The following CACNA1C variants were observed in gnomAD, a reference collection of about 807,000 sequenced individuals.
CACNA1C encodes the protein calcium voltage-gated channel subunit alpha1 C, also known as voltage-dependent L-type calcium channel subunit alpha-1C.
Under a neutral mutation model 229.0 loss-of-function variants are expected in CACNA1C, and 30 were observed. That is an observed-to-expected ratio of 0.13 (90% CI 0.10 to 0.18). The LOEUF is 0.18. Among genes scored for constraint, CACNA1C ranks in the 10% least tolerant of loss-of-function variants. The pLI, the probability that CACNA1C is intolerant of heterozygous loss-of-function variation, is 1.00. For missense variants in CACNA1C, 1,658 were observed against 2,845.0 expected (o/e 0.58, Z 9.49); for synonymous variants, 1,114 against 1,132.5 (o/e 0.98, Z 0.33).
At chr12:2,664,672 T>C (rs190598645) in intron 34 of CACNA1C, among the ~76,000 whole-genome samples, 153 bp from the exon 35 acceptor site, 2 of 152,312 alleles carry the variant, frequency 1.3e-5, no homozygotes, top group East Asian at 3.9e-4. Flanking sequence ...ATTTAGCAAA[T>C]ATATCAGAGC....
intron 1 of CACNA1C, among the ~76,000 whole-genome samples, chr12:2,006,299 T>C (rs958812905): frequency 3.9e-5 from 6 of 151,982 alleles, no homozygotes; most frequent in African/African-American, 1.5e-4. Context: ...TCCCGGATAC[T>C]CGGGAGGCTG....
At position 2,218,359 on chromosome 12, in the gene CACNA1C, T is replaced by A. The variant is rs144298986; in HGVS notation, c.477+97929T>A. Among the ~76,000 whole-genome samples, 15 of 152,340 alleles carry A rather than the reference T, an allele frequency of 9.8e-5. No individual in the cohort carries two copies. In the East Asian group the frequency reaches 2.9e-3, roughly 29 times the overall value. On this transcript the variant is annotated intron_variant, in intron 3 of 46. Transcript: ENST00000399655. ...TTTATGGCAAACTCATTGACTTTTCTTCAGGAAGAAAATTTCTGCTGGTGC... is the reference window on the plus strand; with the variant it reads ...TTTATGGCAAACTCATTGACTTTTCATCAGGAAGAAAATTTCTGCTGGTGC...
chr12:2,117,701 G>A (rs867069371), intron 2 of CACNA1C, among the ~76,000 whole-genome samples: 1 of 152,364 alleles, frequency 6.6e-6, no homozygotes, highest in South Asian at 2.1e-4. Flanking sequence ...TGAGGTCTTA[G>A]GAGGATGCTC....
chr12:2,243,812 C>T (rs559257861), intron 3 of CACNA1C, among the ~76,000 whole-genome samples: 3 of 152,334 alleles, frequency 2.0e-5, no homozygotes, highest in South Asian at 2.1e-4. Context: ...CTGAATTCCT[C>T]GCTGCAATTG....
In CACNA1C at chr12:2,106,757, A is replaced by G. The variant is rs1315902443; in HGVS notation, c.50-8467A>G. Among the ~76,000 whole-genome samples the G allele has an allele frequency of 1.4e-3, 109 of 76,842 alleles. 1 individual carries two copies. Among genetic ancestry groups the G allele is most frequent in the African/African-American group, 2.4e-3 (48 of 19,848 alleles). The allele number at this position is 76,842 out of a possible 152,430, so 50.4% of individuals were successfully genotyped here. On this transcript the variant is annotated intron_variant, in intron 1 of 46. Coordinates refer to ENST00000399655, the MANE Select transcript of CACNA1C (RefSeq NM_000719.7). ...TGAAGCCACTGGGTGCTCACCCTGG[A>G]GAGGGTTTCCACCTCAGCTGGGCGT...
At chr12:2,268,714 A>G (rs910637998) in intron 3 of CACNA1C, among the ~76,000 whole-genome samples, 1 of 152,148 alleles carries the variant, frequency 6.6e-6, no homozygotes, top group Non-Finnish European at 1.5e-5. Context: ...AGGGCTCCCC[A>G]ATGCTGAAGG....
chr12:2,350,941 G>A (rs11062196), intron 3 of CACNA1C, among the ~76,000 whole-genome samples: 36,576 of 152,224 alleles, frequency 0.24, 4,522 homozygotes, highest in Admixed American at 0.26. Context: ...TGTCCATCTA[G>A]TTGATAGAAA....
chr12:2,526,648 G>A (rs546895074), intron 9 of CACNA1C, among the ~76,000 whole-genome samples: 3 of 152,348 alleles, frequency 2.0e-5, no homozygotes, highest in African/African-American at 7.2e-5. Flanking sequence ...CTCCTCAAAG[G>A]AAATGATGGG....
At chr12:2,008,191 C>T (rs1366959344) in intron 1 of CACNA1C, among the ~76,000 whole-genome samples, 1 of 152,106 alleles carries the variant, frequency 6.6e-6, no homozygotes, top group Admixed American at 6.5e-5. Flanking sequence ...AATCACAGCT[C>T]ACTGCAGACT....
chr12:2,098,334 A>G (rs2075106492), intron 1 of CACNA1C, among the ~76,000 whole-genome samples: 1 of 152,246 alleles, frequency 6.6e-6, no homozygotes, highest in Non-Finnish European at 1.5e-5. Context: ...TATTTTATAC[A>G]AAGCATTGTT....
chr12:2,195,231 CAGGG>C (rs767517451), intron 3 of CACNA1C, among the ~76,000 whole-genome samples: 8 of 152,176 alleles, frequency 5.3e-5, no homozygotes, highest in Non-Finnish European at 1.2e-4. Flanking sequence ...CCCAAAGCCT[CAGGG>C]AGGTTAAGGC....
intron 3 of CACNA1C, among the ~76,000 whole-genome samples, chr12:2,291,531 T>TGTTA (rs2093506300): frequency 6.6e-6 from 1 of 152,236 alleles, no homozygotes; most frequent in Non-Finnish European, 1.5e-5. Context: ...GTAAATAAGA[T>TGTTA]GTTAGAGTCT....
intron 11 of CACNA1C, among the ~76,000 whole-genome samples, chr12:2,564,613 T>C (rs1757793865): frequency 6.6e-6 from 1 of 152,100 alleles, no homozygotes; most frequent in African/African-American, 2.4e-5. Flanking sequence ...GGAGCTCTAC[T>C]CCCGCTCCTC....
At position 2,691,786 on chromosome 12, in the gene CACNA1C, C is replaced by G. The variant is rs2097791489; in HGVS notation, c.*587C>G. On this transcript the variant is annotated 3_prime_UTR_variant, in exon 47 of 47. Transcript: ENST00000399655. ...CCCACCTGCGACGGGATCCCCCGAC[C>G]GGCACGGGCCACGCCGAGCTCCCGG... The G allele has an allele frequency of 6.6e-6, 1 of 152,386 alleles. No individual in the cohort carries two copies. The highest frequency in any genetic ancestry group is 2.4e-5 in the African/African-American group (1 of 41,454). The allele number at this position is 152,386 out of a possible 1,614,324, so 9.4% of individuals were successfully genotyped here.
In CACNA1C at chr12:2,677,283, G is replaced by T; in HGVS notation, c.4956+62G>T. 6.3e-7 allele frequency: 1 copy of T among 1,575,372 alleles called. No homozygotes were observed. The highest frequency in any genetic ancestry group is 2.3e-5 in the East Asian group (1 of 44,076). On this transcript the variant is annotated intron_variant, in intron 40 of 46. Coordinates refer to ENST00000399655, the MANE Select transcript of CACNA1C (RefSeq NM_000719.7). This position sits in a 1 kb window ranked among gnomAD's most constrained non-coding sequence, Gnocchi z 7.4. The stretch of plus-strand genomic sequence containing the variant: ...TCCTGGTCATTGCCTCTGACCTCCA[G>T]TCAGGGTCCCGGTCCCTCCCCAGCA...
At position 2,154,392 on chromosome 12, in the gene CACNA1C, C is replaced by T. The variant is rs142035675; in HGVS notation, c.477+33962C>T. On this transcript the variant is annotated intron_variant, in intron 3 of 46. Coordinates refer to ENST00000399655, the MANE Select transcript of CACNA1C (RefSeq NM_000719.7). ...CCAATGCACAGAGCTGCTTCCTTCC[C>T]GCACACACGGAATCTTCCTGCTCCC... 8.8e-3 allele frequency among the ~76,000 whole-genome samples: 1,334 copies of T among 152,318 alleles called. 23 individuals carry two copies. Among genetic ancestry groups the T allele is most frequent in the African/African-American group, 0.03 (1,257 of 41,576 alleles).
At chr12:2,206,312 A>T (rs2097758009) in intron 3 of CACNA1C, among the ~76,000 whole-genome samples, 1 of 152,196 alleles carries the variant, frequency 6.6e-6, no homozygotes, top group South Asian at 2.1e-4. Flanking sequence ...TAGTATTTTA[A>T]AAAAGCAGAT....
At chr12:2,314,126 C>A (rs1282974426) in intron 3 of CACNA1C, among the ~76,000 whole-genome samples, 1 of 152,188 alleles carries the variant, frequency 6.6e-6, no homozygotes, top group African/African-American at 2.4e-5. Context: ...GGGAATCTAG[C>A]CACGTCACCT....
intron 3 of CACNA1C, among the ~76,000 whole-genome samples, chr12:2,392,604 T>C (rs151321519): frequency 6.6e-6 from 1 of 152,314 alleles, no homozygotes; most frequent in East Asian, 1.9e-4. Context: ...CTTATTATTC[T>C]TTAGAGGGGA....
Sources: allele counts gnomAD v4.1 joint callset (sites outside exome capture counted in the v4.1 genomes callset), GRCh38; gene constraint gnomAD v4.1.1; non-coding constraint Gnocchi (gnomAD v3.1); transcripts MANE v1.5; gene names NCBI Gene and HGNC (gene_info 2026-07-23, HGNC 2026-07-21).